The following DNAAF11 variants were observed in gnomAD, a reference collection of about 807,000 sequenced individuals.
The protein encoded by DNAAF11 is leucine rich repeat containing 6.
DNAAF11 carries 45 observed loss-of-function variants against 60.8 expected under a neutral mutation model. The ratio of observed to expected loss-of-function variants is 0.74; its 90% confidence interval spans 0.58 to 0.95. The LOEUF is 0.95. DNAAF11 is among the 40% of genes least tolerant of loss of function. The probability of loss-of-function intolerance (pLI) is 0.00; values close to 1 mark genes in which losing one functional copy is unlikely to be tolerated. For synonymous variants in DNAAF11, 191 were observed against 183.5 expected (o/e 1.04, Z -0.33); for missense variants, 546 against 546.2 (o/e 1.00, Z 0.00).
At chr8:132,664,071 T>C (rs1191953542) in intron 1 of DNAAF11, among the ~76,000 whole-genome samples, 1 of 152,284 alleles carries the variant, frequency 6.6e-6, no homozygotes, top group Non-Finnish European at 1.5e-5. Context: ...GAAAGTATAC[T>C]TGTCAAGGTA....
Position 132,583,558 on chromosome 8 carries a change from T to C in DNAAF11, c.1226+136A>G, listed in dbSNP as rs527237782. The C allele has an allele frequency of 1.6e-5, 11 of 690,466 alleles. No individual in the cohort carries two copies. In the African/African-American group the frequency reaches 2.0e-4, roughly 12 times the overall value. The allele number at this position is 690,466 out of a possible 1,614,324, so 42.8% of individuals were successfully genotyped here. ...AAGCAAGAGTCTACGGTTTGGGAAA[T>C]AAACATTAACATTCATGGTATGAAT... On this transcript the variant is annotated intron_variant, in intron 11 of 11. Transcript: ENST00000620350.
At chr8:132,702,393 T>C in the DNAAF11 span, among the ~76,000 whole-genome samples, 1 of 152,232 alleles carries the variant, frequency 6.6e-6, no homozygotes, top group Admixed American at 6.5e-5. Flanking sequence ...TTTTTGCCTT[T>C]ATACCATTCT....
upstream of DNAAF11, among the ~76,000 whole-genome samples, chr8:132,677,932 GA>G (rs1364930435): frequency 6.6e-6 from 1 of 152,164 alleles, no homozygotes; most frequent in Non-Finnish European, 1.5e-5. Context: ...TCCTATTCAT[GA>G]GGGTGGAGCC....
rs1003458713 is a variant in DNAAF11 at position 132,670,480 on chromosome 8, C to G, written c.10+5004G>C. Among the ~76,000 whole-genome samples, 4 of 152,096 alleles carry G rather than the reference C, an allele frequency of 2.6e-5. No homozygotes were observed. In the South Asian group the frequency reaches 8.3e-4, roughly 32 times the overall value. ...ATCTACTGGATATGTAGTTAAAAAC[C>G]TTTCTTTCCACAAATAAAACTATGG... is the stretch of plus-strand genomic sequence containing the variant. On this transcript the variant is annotated intron_variant, in intron 1 of 11. Coordinates refer to ENST00000620350, the MANE Select transcript of DNAAF11 (RefSeq NM_012472.6).
chr8:132,699,617 AACTC>A, the DNAAF11 span, among the ~76,000 whole-genome samples: 6 of 151,872 alleles, frequency 4.0e-5, no homozygotes, highest in South Asian at 1.3e-3. Context: ...TTACCTGCCA[AACTC>A]ACTCACTCAC....
the DNAAF11 span, among the ~76,000 whole-genome samples, chr8:132,696,671 A>G: frequency 5.3e-5 from 8 of 152,350 alleles, no homozygotes; most frequent in African/African-American, 1.9e-4. Context: ...TGGGTAAAGA[A>G]AATGTGGTGC....
At chr8:132,631,471 C>G (rs1486133092) in intron 5 of DNAAF11, among the ~76,000 whole-genome samples, 1 of 152,152 alleles carries the variant, frequency 6.6e-6, no homozygotes, top group African/African-American at 2.4e-5. Context: ...GTGCGTAAAT[C>G]TCAAAAACAT....
chr8:132,649,547 C>T (rs1822780809), intron 3 of DNAAF11, among the ~76,000 whole-genome samples: 1 of 152,076 alleles, frequency 6.6e-6, no homozygotes, highest in Admixed American at 6.6e-5. Context: ...AGCTTTTGCA[C>T]AGCAAAAGAA....
chr8:132,601,150 C>T (rs548977341), intron 10 of DNAAF11, among the ~76,000 whole-genome samples: 3 of 152,308 alleles, frequency 2.0e-5, no homozygotes, highest in South Asian at 2.1e-4. Flanking sequence ...AGACATTATG[C>T]AGCCAACAGA....
chr8:132,624,531 CT>C (rs1315726799), intron 6 of DNAAF11, among the ~76,000 whole-genome samples: 1 of 152,100 alleles, frequency 6.6e-6, no homozygotes, highest in African/African-American at 2.4e-5. Context: ...ATCTTTTTTA[CT>C]TCTAGTTTCT....
At chr8:132,632,678 G>A in intron 5 of DNAAF11, 62 bp downstream of exon 5, 1 of 1,134,468 alleles carries the variant, frequency 8.8e-7, no homozygotes, top group Admixed American at 1.7e-5. Flanking sequence ...AACTTGGAAA[G>A]AGAATACAGT....
At position 132,654,484 on chromosome 8, in the gene DNAAF11, T is replaced by C. The variant is rs558863044; in HGVS notation, c.256+2346A>G. Among the ~76,000 whole-genome samples the C allele has an allele frequency of 4.6e-5, 7 of 152,076 alleles. No individual in the cohort carries two copies. The South Asian group carries it at 1.5e-3, about 32-fold the overall frequency. On this transcript the variant is annotated intron_variant, in intron 3 of 11. Transcript: ENST00000620350. ...TGGCAGCATGTACAATCTTCCCAAATGTACATGGAACAGCCTCTAGGACAG... is the reference window on the plus strand; with the variant it reads ...TGGCAGCATGTACAATCTTCCCAAACGTACATGGAACAGCCTCTAGGACAG...
chr8:132,658,770 T>G (rs1366649254), intron 2 of DNAAF11, among the ~76,000 whole-genome samples: 1 of 152,046 alleles, frequency 6.6e-6, no homozygotes, highest in Non-Finnish European at 1.5e-5. Flanking sequence ...CGCATCACCC[T>G]CTAAACGCTA....
chr8:132,584,198 C>T (rs1026778723), intron 10 of DNAAF11, among the ~76,000 whole-genome samples: 2 of 152,130 alleles, frequency 1.3e-5, no homozygotes, highest in African/African-American at 4.8e-5. Context: ...CGGCTCACTG[C>T]GCCCTGGTTT....
upstream of DNAAF11, chr8:132,675,679 A>G: frequency 1.9e-6 from 1 of 516,674 alleles, no homozygotes; most frequent in Non-Finnish European, 3.4e-6. Context: ...CAAGCAGAGG[A>G]GACCGCAGTG....
chr8:132,609,214 A>AC (rs1818410133), intron 10 of DNAAF11, among the ~76,000 whole-genome samples: 1 of 149,368 alleles, frequency 6.7e-6, no homozygotes, highest in African/African-American at 2.6e-5. Flanking sequence ...CAAGTCTCCA[A>AC]TAAAAAATGG....
chr8:132,614,055 A>G (rs1381151283), intron 8 of DNAAF11, among the ~76,000 whole-genome samples: 1 of 152,228 alleles, frequency 6.6e-6, no homozygotes, highest in East Asian at 1.9e-4. Flanking sequence ...TAGAGAGGAA[A>G]GAACAAACAA....
upstream of DNAAF11, among the ~76,000 whole-genome samples, chr8:132,676,285 G>T (rs1042429394): frequency 6.6e-6 from 1 of 152,048 alleles, no homozygotes; most frequent in Non-Finnish European, 1.5e-5. Context: ...TGTGCAACGC[G>T]CCTTCTCCCA....
chr8:132,637,007 G>T (rs1821368369), intron 4 of DNAAF11, among the ~76,000 whole-genome samples: 1 of 152,134 alleles, frequency 6.6e-6, no homozygotes, highest in Admixed American at 6.5e-5. Context: ...CCACATGCAG[G>T]CTGGGAACTC....
Sources: allele counts gnomAD v4.1 joint callset (sites outside exome capture counted in the v4.1 genomes callset), GRCh38; gene constraint gnomAD v4.1.1; transcripts MANE v1.5; gene names NCBI Gene and HGNC (gene_info 2026-07-23, HGNC 2026-07-21).